C12orf50: variants seen among roughly 807,000 people sequenced by gnomAD.
C12orf50 encodes zinc finger CCCH-type containing 11D.
In C12orf50, 35 loss-of-function variants were observed where a neutral mutation model predicts 61.6. The observed-to-expected ratio is 0.57, with a 90% CI of 0.43 to 0.75. The LOEUF (loss-of-function observed/expected upper bound fraction) is 0.75. Ranked by LOEUF, C12orf50 falls within the 30% of genes least tolerant of loss-of-function variation. C12orf50 has a pLI of 0.00. For synonymous variants in C12orf50, 178 were observed against 161.5 expected (o/e 1.10, Z -0.77); for missense variants, 475 against 488.5 (o/e 0.97, Z 0.26).
intron 11 of C12orf50, 132 bp downstream of exon 11, chr12:87,985,718 G>A: frequency 1.2e-6 from 1 of 834,364 alleles, no homozygotes; most frequent in Non-Finnish European, 2.0e-6. Context: ...CCTCTCACTA[G>A]TTTCTATGGT....
intron 3 of C12orf50, among the ~76,000 whole-genome samples, chr12:88,000,163 G>T (rs910724200): frequency 6.6e-6 from 1 of 151,010 alleles, no homozygotes; most frequent in African/African-American, 2.4e-5. Flanking sequence ...GTTCCAAAAT[G>T]GAATATTGTT....
At chr12:88,027,805 G>A (rs1180602207) in intron 1 of C12orf50, 2 of 152,122 alleles carry the variant, frequency 1.3e-5, no homozygotes, top group Non-Finnish European at 2.9e-5. Context: ...GGGAAGAGAG[G>A]TGGATAACAT....
intron 3 of C12orf50, among the ~76,000 whole-genome samples, chr12:88,021,831 A>G (rs1202361058): frequency 6.6e-6 from 1 of 152,092 alleles, no homozygotes; most frequent in Non-Finnish European, 1.5e-5. Context: ...ACTGAGTTCT[A>G]TAACTGTATA....
At chr12:87,984,398 A>C (rs568785930) in intron 11 of C12orf50, 22 of 152,250 alleles carry the variant, frequency 1.4e-4, no homozygotes, top group Admixed American at 1.3e-4. Flanking sequence ...TGTAATAAAA[A>C]TTTTGACTGC....
At chr12:88,019,432 A>G (rs1369717390) in intron 3 of C12orf50, among the ~76,000 whole-genome samples, 1 of 152,142 alleles carries the variant, frequency 6.6e-6, no homozygotes, top group Non-Finnish European at 1.5e-5. Flanking sequence ...GTCTTTTGTA[A>G]ATTGCCCAGT....
At chr12:88,019,929 C>T (rs1287133374) in intron 3 of C12orf50, among the ~76,000 whole-genome samples, 1 of 152,122 alleles carries the variant, frequency 6.6e-6, no homozygotes, top group African/African-American at 2.4e-5. Context: ...AATATCACAT[C>T]CAGGCAAACT....
At position 88,010,217 on chromosome 12, in the gene C12orf50, A is replaced by G. The variant is rs147385981; in HGVS notation, c.134-12027T>C. On this transcript the variant is annotated intron_variant, in intron 3 of 12. Coordinates refer to ENST00000298699, the MANE Select transcript of C12orf50 (RefSeq NM_152589.3). Reference sequence around the variant, plus strand: ...CCAGTGCTAGACTGTCCTAATCTCTATCACTTCATAGGCCTTGAAATCTGG... The same window carrying G: ...CCAGTGCTAGACTGTCCTAATCTCTGTCACTTCATAGGCCTTGAAATCTGG... 8.6e-4 allele frequency among the ~76,000 whole-genome samples: 131 copies of G among 151,934 alleles called. 4 individuals are homozygous for G. In the East Asian group the frequency reaches 0.022, roughly 25 times the overall value.
At chr12:88,018,469 G>T (rs990736592) in intron 3 of C12orf50, among the ~76,000 whole-genome samples, 1 of 152,244 alleles carries the variant, frequency 6.6e-6, no homozygotes, top group Non-Finnish European at 1.5e-5. Flanking sequence ...CTCTGCTAGG[G>T]CAGTGTGGAA....
At chr12:87,995,460 TATA>T (rs2031339012) in intron 6 of C12orf50, among the ~76,000 whole-genome samples, 1 of 152,174 alleles carries the variant, frequency 6.6e-6, no homozygotes, top group Admixed American at 6.5e-5. Context: ...TTCAGAAGAT[TATA>T]ATAACAATGT....
At position 87,993,231 on chromosome 12, in the gene C12orf50, C is replaced by T. The variant is rs78628475; in HGVS notation, c.592+1402G>A. ...AGGTAATATATTATTAATGTTACAA[C>T]GTGAAGGAAAGTTTATTTTTATATG... On this transcript the variant is annotated intron_variant, in intron 7 of 12. Coordinates refer to ENST00000298699, the MANE Select transcript of C12orf50 (RefSeq NM_152589.3). Among the ~76,000 whole-genome samples the T allele has an allele frequency of 4.5e-3, 688 of 152,182 alleles. 5 individuals carry two copies. Among genetic ancestry groups the T allele is most frequent in the African/African-American group, 0.016 (652 of 41,528 alleles).
chr12:87,986,327 A>G lies in C12orf50; in HGVS notation c.907T>C (p.Ser303Pro). The G allele has an allele frequency of 6.2e-7, 1 of 1,602,276 alleles. No homozygotes were observed. Among genetic ancestry groups the G allele is most frequent in the Non-Finnish European group, 8.5e-7 (1 of 1,173,790 alleles). ...IYDEPQNFPNSGMQRAVQAPR... is the reference protein window; with the variant it reads ...IYDEPQNFPNPGMQRAVQAPR... ...GACACCTTACCTCTCTGCATTCCAG[A>G]GTTAGGAAAGTTCTGTGGTTCATCA... Residue 303 changes from serine (S) to proline (P), a missense_variant, in exon 10 of 13, where the codon TCT becomes CCT. By Grantham distance (74) the Ser-to-Pro change is moderately conservative. Coordinates refer to ENST00000298699, the MANE Select transcript of C12orf50 (RefSeq NM_152589.3).
intron 3 of C12orf50, among the ~76,000 whole-genome samples, chr12:88,017,760 T>C (rs2032365220): frequency 6.6e-6 from 1 of 152,202 alleles, no homozygotes; most frequent in South Asian, 2.1e-4. Flanking sequence ...TGTTGGGAAC[T>C]GGAGCAAAGG....
At chr12:88,025,309 T>C (rs1037007572) in intron 3 of C12orf50, among the ~76,000 whole-genome samples, 4 of 152,100 alleles carry the variant, frequency 2.6e-5, no homozygotes, top group Non-Finnish European at 5.9e-5. Context: ...TAAGTACCAA[T>C]GCTACTAGGT....
At chr12:87,989,510 A>G in intron 7 of C12orf50, 139 bp from the exon 8 acceptor site, 1 of 578,628 alleles carries the variant, frequency 1.7e-6, no homozygotes, top group Non-Finnish European at 3.1e-6. Flanking sequence ...ATCCATCTCC[A>G]TACATTTATA....
chr12:87,989,008 T>C (rs2030986101), intron 8 of C12orf50, among the ~76,000 whole-genome samples: 1 of 152,114 alleles, frequency 6.6e-6, no homozygotes, highest in Non-Finnish European at 1.5e-5. Context: ...TATTGCCATT[T>C]AAGAGAACCA....
chr12:87,982,566 G>A (rs2030543676), intron 12 of C12orf50, among the ~76,000 whole-genome samples: 1 of 152,090 alleles, frequency 6.6e-6, no homozygotes, highest in Non-Finnish European at 1.5e-5. Flanking sequence ...AAAAACCTGA[G>A]GTCAGGGATA....
chr12:88,016,332 A>G (rs2032310218), intron 3 of C12orf50, among the ~76,000 whole-genome samples: 1 of 152,200 alleles, frequency 6.6e-6, no homozygotes, highest in Non-Finnish European at 1.5e-5. Context: ...TCATAAAGGT[A>G]GATATTCACA....
intron 3 of C12orf50, among the ~76,000 whole-genome samples, chr12:88,004,232 A>G (rs2031766114): frequency 6.6e-6 from 1 of 152,124 alleles, no homozygotes; most frequent in Admixed American, 6.6e-5. Context: ...GCTTTAAATC[A>G]TTGTCTGCTC....
rs2032818913 is a variant in C12orf50, at chr12:88,029,311, T to C, written c.-109+29A>G. 3 of 190,870 alleles carry C rather than the reference T, an allele frequency of 1.6e-5. No homozygotes were observed. In the South Asian group the frequency reaches 2.4e-4, roughly 15 times the overall value. 11.8% of individuals were successfully genotyped at this position (190,870 alleles called of 1,614,324 possible). On this transcript the variant is annotated intron_variant, in intron 1 of 12. Transcript: ENST00000298699. ...TGACAGTATATTACGCAATAGATAA[T>C]TCTTAAAGACATTTAAATTAGAAGA...
Sources: gnomAD v4.1 joint callset for allele counts (sites outside exome capture counted in the v4.1 genomes callset) on GRCh38, gnomAD v4.1.1 for gene constraint, MANE v1.5 for transcripts, NCBI Gene and HGNC (gene_info 2026-07-23, HGNC 2026-07-21) for gene names.